The following NRXN1 variants were observed in gnomAD, a reference collection of about 807,000 sequenced individuals.
NRXN1 encodes the protein neurexin-1.
A neutral mutation model predicts 150.9 loss-of-function variants in NRXN1; 39 were observed. The observed-to-expected ratio is 0.26, with a 90% confidence interval of 0.20 to 0.34. The LOEUF is 0.34. Among genes scored for constraint, NRXN1 ranks in the 10% least tolerant of loss-of-function variants. NRXN1 has a pLI of 1.00. For synonymous variants in NRXN1, 924 were observed against 757.0 expected (o/e 1.22, Z -3.62); for missense variants, 1,815 against 1,949.9 (o/e 0.93, Z 1.30).
intron 17 of NRXN1, among the ~76,000 whole-genome samples, chr2:50,251,303 T>G (rs558426517): frequency 6.6e-6 from 1 of 152,160 alleles, no homozygotes; most frequent in South Asian, 2.1e-4. Context: ...GTTCCTGCAT[T>G]AGTTTGCTGA....
intron 19 of NRXN1, among the ~76,000 whole-genome samples, chr2:50,063,580 AC>A (rs1694908545): frequency 1.3e-5 from 2 of 151,542 alleles, no homozygotes; most frequent in Admixed American, 6.6e-5. Context: ...ACACACACAC[AC>A]ACACACATCT....
Position 50,623,609 on chromosome 2 carries a change from T to G in NRXN1, c.839A>C (p.Glu280Ala). ...MGDQGKSKGK[E>A]EYIATFKGSE... ...TCCTTTGAACGTGGCAATATATTCT[T>G]CTTTTCCTAGAGGAAAACAGATGAT... The change falls in exon 6 of 23, where the codon GAA (glutamate) becomes GCA (alanine). Residue 280 changes from glutamate (E) to alanine (A), a missense_variant. Glu to Ala is a moderately radical substitution (Grantham distance 107). This residue lies in a region of NRXN1 where 554 missense variants were observed against 478.8 expected (regional missense o/e 1.16). Transcript: ENST00000401669. 1 of 1,608,206 alleles carries G rather than the reference T, an allele frequency of 6.2e-7. No homozygotes were observed. The highest frequency in any genetic ancestry group is 8.5e-7 in the Non-Finnish European group (1 of 1,175,656).
chr2:50,647,568 T>C (rs1016143943), intron 5 of NRXN1, among the ~76,000 whole-genome samples: 14 of 151,948 alleles, frequency 9.2e-5, no homozygotes, highest in African/African-American at 3.4e-4. Flanking sequence ...AAGTAGCGCA[T>C]ACTATGGGGA....
chr2:49,945,095 CTT>C (rs1672659805), intron 21 of NRXN1: 2 of 152,114 alleles, frequency 1.3e-5, no homozygotes, highest in Admixed American at 6.5e-5. Context: ...TACAATATAA[CTT>C]TAAATAAACA....
chr2:50,559,561 T>C (rs1167786025), intron 8 of NRXN1, among the ~76,000 whole-genome samples: 1 of 152,180 alleles, frequency 6.6e-6, no homozygotes, highest in Admixed American at 6.5e-5. Flanking sequence ...AAACATTTGC[T>C]AGTGGTAACT....
chr2:50,573,187 T>C (rs1285038647), intron 8 of NRXN1, among the ~76,000 whole-genome samples: 2 of 151,946 alleles, frequency 1.3e-5, no homozygotes, highest in African/African-American at 4.8e-5. Context: ...CTAGGCAACA[T>C]AGCAAAACCT....
chr2:50,335,995 A>G (rs1199808669), intron 17 of NRXN1, among the ~76,000 whole-genome samples: 1 of 152,006 alleles, frequency 6.6e-6, no homozygotes, highest in East Asian at 1.9e-4. Context: ...AGATGTTTAC[A>G]TAATATCAAG....
chr2:50,996,060 A>T (rs1699238729), intron 2 of NRXN1, among the ~76,000 whole-genome samples: 1 of 152,098 alleles, frequency 6.6e-6, no homozygotes, highest in Non-Finnish European at 1.5e-5. Context: ...TATGACTTTG[A>T]TAATGAAGAG....
At chr2:51,021,109 A>C (rs541289050) in intron 2 of NRXN1, among the ~76,000 whole-genome samples, 4 of 152,028 alleles carry the variant, frequency 2.6e-5, no homozygotes, top group African/African-American at 9.7e-5. Context: ...GTACACAACA[A>C]AAAAAGTATA....
At chr2:50,663,819 C>T (rs1369733493) in intron 5 of NRXN1, among the ~76,000 whole-genome samples, 1 of 151,896 alleles carries the variant, frequency 6.6e-6, no homozygotes, top group African/African-American at 2.4e-5. Flanking sequence ...TTTTCTGTAT[C>T]CCAAATACAA....
intron 2 of NRXN1, among the ~76,000 whole-genome samples, chr2:50,981,450 T>A (rs1696785064): frequency 4.4e-5 from 3 of 68,934 alleles, no homozygotes; most frequent in African/African-American, 7.1e-5. Context: ...AGATAGAAAC[T>A]CTATCTCAAA....
intron 17 of NRXN1, among the ~76,000 whole-genome samples, chr2:50,410,226 C>CT (rs1295669061): frequency 6.6e-6 from 1 of 152,198 alleles, no homozygotes; most frequent in Non-Finnish European, 1.5e-5. Context: ...AAATTTGTCT[C>CT]TTTTTTGCCA....
At chr2:50,898,127 T>C (rs1342150952) in intron 5 of NRXN1, among the ~76,000 whole-genome samples, 1 of 152,172 alleles carries the variant, frequency 6.6e-6, no homozygotes, top group African/African-American at 2.4e-5. Flanking sequence ...TCCTATTAAG[T>C]TGTCATTAGT....
chr2:50,915,646 A>T (rs868110982), intron 5 of NRXN1, among the ~76,000 whole-genome samples: 22 of 151,670 alleles, frequency 1.5e-4, no homozygotes, highest in Middle Eastern at 3.4e-3. Flanking sequence ...CAATGCCAGA[A>T]TCATAAATAA....
At chr2:50,510,899 T>C (rs1190123516) in intron 12 of NRXN1, among the ~76,000 whole-genome samples, 1 of 152,168 alleles carries the variant, frequency 6.6e-6, no homozygotes. Flanking sequence ...TAATGTTATA[T>C]TAAAGAATTT....
At chr2:50,774,607 TATAA>T (rs1703385943) in intron 5 of NRXN1, among the ~76,000 whole-genome samples, 1 of 152,180 alleles carries the variant, frequency 6.6e-6, no homozygotes, top group African/African-American at 2.4e-5. Context: ...GGAACTGGTA[TATAA>T]ATAATCAATT....
At chr2:49,932,623 C>T (rs1219631411) in intron 22 of NRXN1, among the ~76,000 whole-genome samples, 2 of 152,098 alleles carry the variant, frequency 1.3e-5, no homozygotes, top group Non-Finnish European at 2.9e-5. Flanking sequence ...TCAAAACCCT[C>T]ATCAAAACCT....
At chr2:50,753,820 T>C (rs1323780870) in intron 5 of NRXN1, among the ~76,000 whole-genome samples, 1 of 151,720 alleles carries the variant, frequency 6.6e-6, no homozygotes, top group Non-Finnish European at 1.5e-5. Flanking sequence ...AGTGAGAGAA[T>C]TTTTTACTGC....
intron 18 of NRXN1, among the ~76,000 whole-genome samples, chr2:50,204,360 G>T (rs73930308): frequency 1.2e-5 from 1 of 82,690 alleles, no homozygotes; most frequent in Non-Finnish European, 2.3e-5. Context: ...GTGTGTGTGT[G>T]TGTGTGTGTG....
Sources: allele counts gnomAD v4.1 joint callset (sites outside exome capture counted in the v4.1 genomes callset), GRCh38; gene constraint gnomAD v4.1.1; regional missense constraint gnomAD v4.1.1; transcripts MANE v1.5; gene names NCBI Gene and HGNC (gene_info 2026-07-23, HGNC 2026-07-21).